The following OPN5 variants were observed in gnomAD, a reference collection of about 807,000 sequenced individuals.
OPN5 encodes opsin 5.
OPN5 carries 18 observed loss-of-function variants against 41.7 expected under a neutral mutation model. The observed-to-expected ratio is 0.43, with a 90% confidence interval of 0.30 to 0.64. OPN5 has a LOEUF of 0.64. Among genes scored for constraint, OPN5 ranks in the 30% least tolerant of loss-of-function variants. The pLI is 0.13. For synonymous variants in OPN5, 178 were observed against 164.3 expected (o/e 1.08, Z -0.64); for missense variants, 318 against 434.5 (o/e 0.73, Z 2.38).
At position 47,795,219 on chromosome 6, in the gene OPN5, C is replaced by T. The variant is rs1185529126; in HGVS notation, c.422-10C>T. The T allele has an allele frequency of 3.8e-6, 6 of 1,567,852 alleles. No homozygotes were observed. The highest frequency in any genetic ancestry group is 5.2e-6 in the Non-Finnish European group (6 of 1,155,602). ...ATTACATCCGGGTAATGCTTTTCTT[C>T]CGCCTCCAGGGGTTTGGCTGAAAAG... On this transcript the variant is annotated splice_polypyrimidine_tract_variant and intron_variant, in intron 3 of 6. Transcript: ENST00000371211.
At chr6:47,793,463 G>T (rs143901578) in intron 3 of OPN5, among the ~76,000 whole-genome samples, 2 of 152,140 alleles carry the variant, frequency 1.3e-5, no homozygotes, top group Non-Finnish European at 2.9e-5. Flanking sequence ...TTAGAAGGTC[G>T]CTTGGGGATG....
chr6:47,799,179 A>G (rs1021144519), intron 4 of OPN5, among the ~76,000 whole-genome samples: 1 of 149,154 alleles, frequency 6.7e-6, no homozygotes, highest in Non-Finnish European at 1.5e-5. Flanking sequence ...TTCACAGGCT[A>G]TAAACAGAGG....
chr6:47,813,186 A>C (rs1762313444), intron 6 of OPN5, among the ~76,000 whole-genome samples: 1 of 152,194 alleles, frequency 6.6e-6, no homozygotes, highest in Non-Finnish European at 1.5e-5. Flanking sequence ...AATTGTCATT[A>C]GAATAGAGAG....
chr6:47,792,315 G>T (rs1322659406), intron 3 of OPN5, among the ~76,000 whole-genome samples: 1 of 152,208 alleles, frequency 6.6e-6, no homozygotes, highest in African/African-American at 2.4e-5. Context: ...AAGATGTTTA[G>T]CTCATTCCCC....
At chr6:47,812,304 A>C (rs1762269792) in intron 6 of OPN5, among the ~76,000 whole-genome samples, 1 of 152,172 alleles carries the variant, frequency 6.6e-6, no homozygotes, top group Admixed American at 6.5e-5. Flanking sequence ...GTATCTCCAA[A>C]TTTGAAGACA....
chr6:47,789,640 A>T (rs183444247), intron 2 of OPN5, among the ~76,000 whole-genome samples: 92 of 152,320 alleles, frequency 6.0e-4, no homozygotes. Flanking sequence ...AAGCTGAAAG[A>T]TGGCACTAAC....
intron 3 of OPN5, among the ~76,000 whole-genome samples, chr6:47,793,445 T>C (rs924998044): frequency 6.6e-6 from 1 of 152,190 alleles, no homozygotes; most frequent in East Asian, 1.9e-4. Context: ...CGTCCCAGAA[T>C]GTTGGAATTA....
At chr6:47,800,225 G>T (rs1449039292) in intron 4 of OPN5, among the ~76,000 whole-genome samples, 1 of 152,206 alleles carries the variant, frequency 6.6e-6, no homozygotes, top group East Asian at 1.9e-4. Flanking sequence ...AGCCATGCCA[G>T]ATGGGAAATG....
chr6:47,798,723 A>G (rs1773660131), intron 4 of OPN5, among the ~76,000 whole-genome samples: 1 of 152,096 alleles, frequency 6.6e-6, no homozygotes, highest in South Asian at 2.1e-4. Flanking sequence ...AACAAACATA[A>G]CTACTGTGAC....
At chr6:47,818,351 AT>A (rs1373485783) in intron 6 of OPN5, among the ~76,000 whole-genome samples, 4 of 152,194 alleles carry the variant, frequency 2.6e-5, no homozygotes, top group African/African-American at 9.7e-5. Flanking sequence ...GACCAGGCTG[AT>A]AAAATGACTT....
At chr6:47,823,831 G>A (rs77809545) in intron 6 of OPN5, among the ~76,000 whole-genome samples, 152 bp from the exon 7 acceptor site, 1,861 of 152,200 alleles carry the variant, frequency 0.012, 42 homozygotes, top group African/African-American at 0.043. Context: ...CTGTGGGTTC[G>A]GGGAGAAGCC....
chr6:47,795,776 T>TCACA (rs879658004), intron 4 of OPN5, among the ~76,000 whole-genome samples: 104 of 104,136 alleles, frequency 1.0e-3, no homozygotes, highest in Middle Eastern at 4.5e-3. Flanking sequence ...TCTCTCTCTC[T>TCACA]CTCACACACA....
chr6:47,825,613 GTC>G (rs1762769446), downstream of OPN5: 1 of 152,184 alleles, frequency 6.6e-6, no homozygotes, highest in Admixed American at 6.5e-5. Context: ...GGTGATTCAA[GTC>G]TCTGTTATTC....
At chr6:47,797,866 A>T (rs1581738156) in intron 4 of OPN5, among the ~76,000 whole-genome samples, 1 of 151,484 alleles carries the variant, frequency 6.6e-6, no homozygotes, top group South Asian at 2.1e-4. Flanking sequence ...GCTCAACTTG[A>T]CCCCCTCACA....
chr6:47,821,657 T>C (rs1437115192), intron 6 of OPN5, among the ~76,000 whole-genome samples: 1 of 152,218 alleles, frequency 6.6e-6, no homozygotes, highest in Non-Finnish European at 1.5e-5. Flanking sequence ...TTAAATCCTA[T>C]AGTTTCAGGC....
rs1331990519 is a variant in OPN5 at position 47,783,085 on chromosome 6, T to C, written c.130+889T>C. On this transcript the variant is annotated intron_variant, in intron 1 of 6. Transcript: ENST00000371211. ...AATTTTTACTTTGTAAATTTTTACT[T>C]TGTTTAATGTGGCTACCAGAAAATT... Among the ~76,000 whole-genome samples the C allele has an allele frequency of 3.9e-5, 6 of 152,112 alleles. No individual in the cohort carries two copies. The East Asian group carries it at 1.2e-3, about 29-fold the overall frequency.
chr6:47,803,227 G>A (rs1773842734), intron 4 of OPN5, among the ~76,000 whole-genome samples: 1 of 152,172 alleles, frequency 6.6e-6, no homozygotes, highest in African/African-American at 2.4e-5. Context: ...ATTTGTATGT[G>A]TATGTGAAGG....
chr6:47,824,202 T>C (rs779271011), exon 7 of OPN5: 18 of 584,874 alleles, frequency 3.1e-5, no homozygotes, highest in African/African-American at 1.9e-5. Context: ...TCTGGTATAG[T>C]GGCAGAGTTA....
intron 6 of OPN5, among the ~76,000 whole-genome samples, chr6:47,817,606 T>C (rs1762469734): frequency 6.6e-6 from 1 of 152,128 alleles, no homozygotes; most frequent in South Asian, 2.1e-4. Flanking sequence ...ATGCCTGACC[T>C]ACTACTGAAT....
Sources: gnomAD v4.1 joint callset for allele counts (sites outside exome capture counted in the v4.1 genomes callset) on GRCh38, gnomAD v4.1.1 for gene constraint, MANE v1.5 for transcripts, NCBI Gene and HGNC (gene_info 2026-07-23, HGNC 2026-07-21) for gene names.